ZNF362: variants seen among roughly 807,000 people sequenced by gnomAD.
ZNF362 encodes the protein zinc finger protein 362.
In ZNF362, 11 loss-of-function variants were observed where a neutral mutation model predicts 42.9. The observed-to-expected ratio is 0.26, with a 90% confidence interval of 0.16 to 0.42. The LOEUF (loss-of-function observed/expected upper bound fraction) is 0.42, where lower values mean the gene tolerates loss of function less well. Among genes scored for constraint, ZNF362 ranks in the 20% least tolerant of loss-of-function variants. The probability of loss-of-function intolerance (pLI) is 1.00; values close to 1 mark genes in which losing one functional copy is unlikely to be tolerated. For synonymous variants in ZNF362, 255 were observed against 257.3 expected, an observed-to-expected ratio of 0.99 and a Z score of 0.09; for missense variants, 362 against 576.2, an observed-to-expected ratio of 0.63 and a Z score of 3.81.
chr1:33,160,565 C>T, the ZNF362 span, among the ~76,000 whole-genome samples: 2 of 151,892 alleles, frequency 1.3e-5, no homozygotes, highest in Admixed American at 6.6e-5. Flanking sequence ...CCACTATGCC[C>T]GGATAATTTT....
the ZNF362 span, among the ~76,000 whole-genome samples, chr1:33,137,608 G>T: frequency 1.3e-5 from 2 of 152,140 alleles, no homozygotes; most frequent in Non-Finnish European, 2.9e-5. Flanking sequence ...CCCAGAGGGG[G>T]GATCTTGCCC....
chr1:33,141,764 T>C, the ZNF362 span: 2 of 167,820 alleles, frequency 1.2e-5, no homozygotes, highest in African/African-American at 4.8e-5. Context: ...GGTTGATAGG[T>C]GCAGCAAACC....
Position 33,266,691 on chromosome 1 carries a change from G to C in ZNF362, c.-88-3796G>C, listed in dbSNP as rs1645867384. Among the ~76,000 whole-genome samples the C allele has an allele frequency of 6.6e-6, 1 of 152,196 alleles. No individual in the cohort carries two copies. Among genetic ancestry groups the C allele is most frequent in the Non-Finnish European group, 1.5e-5 (1 of 68,028 alleles). On this transcript the variant is annotated intron_variant, in intron 1 of 8. Transcript: ENST00000539719. The surrounding 1 kb of genome is among the most constrained non-coding windows in gnomAD (Gnocchi z 4.3). ...AGATAACCAGACAGTTCCTCAAGGT[G>C]GTGCCAGCTGAGCAGAGTTTTGAGG...
At chr1:33,193,970 G>T in the ZNF362 span, among the ~76,000 whole-genome samples, 2 of 152,258 alleles carry the variant, frequency 1.3e-5, no homozygotes, top group East Asian at 3.9e-4. Flanking sequence ...CAAAAATTAG[G>T]ATTATAGAAC....
the ZNF362 span, among the ~76,000 whole-genome samples, chr1:33,204,052 C>T: frequency 1.3e-5 from 2 of 152,132 alleles, no homozygotes; most frequent in Non-Finnish European, 2.9e-5. Flanking sequence ...TTACCAAGGC[C>T]AAAGTCAAGG....
chr1:33,278,802 CGATCTTGTTTTA>C, intron 4 of ZNF362, among the ~76,000 whole-genome samples: 1 of 152,290 alleles, frequency 6.6e-6, no homozygotes, highest in South Asian at 2.1e-4. Flanking sequence ...TGTATCACAT[CGATCTTGTTTTA>C]GTGGCTGTGC....
chr1:33,276,114 G>A lies in ZNF362; in HGVS notation c.53G>A (p.Arg18Gln), dbSNP rs1645943645. Reference sequence around the variant, plus strand: ...TCTTCCCGCAGGATGGCCGAGCCTCGATTTAACAACCCCTACTTCTGGCCC... The same window carrying A: ...TCTTCCCGCAGGATGGCCGAGCCTCAATTTAACAACCCCTACTTCTGGCCC... ...GKGHSRMAEP[R>Q]FNNPYFWPPP... The change falls in exon 3 of 9, where the codon CGA (arginine) becomes CAA (glutamine). Residue 18 changes from arginine to glutamine, a missense_variant. Transcript: ENST00000539719. 6.2e-7 allele frequency: 1 copy of A among 1,614,006 alleles called. No individual in the cohort carries two copies. Among genetic ancestry groups the A allele is most frequent in the Non-Finnish European group, 8.5e-7 (1 of 1,180,006 alleles).
chr1:33,185,347 G>A, the ZNF362 span, among the ~76,000 whole-genome samples: 6 of 151,598 alleles, frequency 4.0e-5, no homozygotes, highest in Non-Finnish European at 5.9e-5. Context: ...TCAGCCTCCC[G>A]AGTAGCTGGG....
the ZNF362 span, among the ~76,000 whole-genome samples, chr1:33,236,576 T>TATATATATATAC: frequency 2.0e-5 from 2 of 97,892 alleles, no homozygotes; most frequent in East Asian, 7.8e-4. Context: ...TATATATACA[T>TATATATATATAC]ACACACACAC....
intron 1 of ZNF362, among the ~76,000 whole-genome samples, chr1:33,264,660 A>G (rs957083218): frequency 1.3e-5 from 2 of 152,140 alleles, no homozygotes; most frequent in Admixed American, 6.5e-5. Flanking sequence ...AGCCCAGACT[A>G]TGATTTGGTT....
At chr1:33,137,970 G>A in the ZNF362 span, among the ~76,000 whole-genome samples, 1 of 152,204 alleles carries the variant, frequency 6.6e-6, no homozygotes, top group Non-Finnish European at 1.5e-5. Flanking sequence ...GGAGGTGGCA[G>A]GGGAAAGGGG....
the ZNF362 span, among the ~76,000 whole-genome samples, chr1:33,151,297 G>A: frequency 6.6e-6 from 1 of 152,078 alleles, no homozygotes; most frequent in African/African-American, 2.4e-5. Flanking sequence ...CCGGCCTAGG[G>A]GCAGGGCCTG....
intron 6 of ZNF362, among the ~76,000 whole-genome samples, chr1:33,282,411 A>G (rs776721942): frequency 2.6e-5 from 4 of 152,236 alleles, no homozygotes; most frequent in East Asian, 1.9e-4. Flanking sequence ...TATGCCAGAC[A>G]CTATTCTAGA....
At chr1:33,147,652 G>A in the ZNF362 span, 1 of 1,613,958 alleles carries the variant, frequency 6.2e-7, no homozygotes. This position sits in a 1 kb window ranked among gnomAD's most constrained non-coding sequence, Gnocchi z 8.1. Context: ...GTTGCCGTAA[G>A]CCACAATGGT....
At chr1:33,212,617 T>G in the ZNF362 span, among the ~76,000 whole-genome samples, 1 of 152,158 alleles carries the variant, frequency 6.6e-6, no homozygotes, top group Non-Finnish European at 1.5e-5. Context: ...AAGGGGAAGC[T>G]GGCCTATCAC....
intron 6 of ZNF362, among the ~76,000 whole-genome samples, chr1:33,289,242 G>A (rs1646056923): frequency 6.6e-6 from 1 of 152,204 alleles, no homozygotes; most frequent in Admixed American, 6.5e-5. Context: ...TGTGTTGGGG[G>A]AGGTTGGTAA....
the ZNF362 span, among the ~76,000 whole-genome samples, chr1:33,217,672 C>G: frequency 6.6e-6 from 1 of 152,068 alleles, no homozygotes; most frequent in African/African-American, 2.4e-5. Context: ...GAAATTTAAA[C>G]CATAAGAGAA....
the ZNF362 span, among the ~76,000 whole-genome samples, chr1:33,127,883 C>T: frequency 1.3e-5 from 2 of 152,114 alleles, no homozygotes; most frequent in African/African-American, 2.4e-5. Context: ...TTCAATTAAT[C>T]GACACAGGCC....
the ZNF362 span, among the ~76,000 whole-genome samples, chr1:33,192,853 A>G: frequency 2.0e-5 from 3 of 151,986 alleles, no homozygotes; most frequent in African/African-American, 4.8e-5. Flanking sequence ...AGTGAAGTGT[A>G]TTCGGGAGTC....
Sources: gnomAD v4.1 joint callset for allele counts (sites outside exome capture counted in the v4.1 genomes callset) on GRCh38, gnomAD v4.1.1 for gene constraint, Gnocchi (gnomAD v3.1) non-coding constraint, MANE v1.5 for transcripts, NCBI Gene and HGNC (gene_info 2026-07-23, HGNC 2026-07-21) for gene names.